SLC35D2: variants seen among roughly 807,000 people sequenced by gnomAD.
SLC35D2 encodes solute carrier family 35 member D2.
Under a neutral mutation model 41.8 loss-of-function variants are expected in SLC35D2, and 43 were observed. The observed-to-expected ratio is 1.03, with a 90% CI of 0.81 to 1.33. The LOEUF is 1.33. SLC35D2 is among the 40% of genes most tolerant of loss of function. SLC35D2 has a pLI of 0.00. For missense variants in SLC35D2, 380 were observed against 408.4 expected (o/e 0.93, Z 0.60); for synonymous variants, 150 against 163.9 (o/e 0.92, Z 0.65).
At chr9:96,348,575 T>C (rs1050453429) in intron 6 of SLC35D2, among the ~76,000 whole-genome samples, 1 of 152,196 alleles carries the variant, frequency 6.6e-6, no homozygotes, top group African/African-American at 2.4e-5. Context: ...GATGTGCTAA[T>C]GTAAGAGGAG....
rs1000910158 is a variant in SLC35D2 at position 96,334,130 on chromosome 9, G to A, written c.752+2587C>T. 5.3e-5 allele frequency among the ~76,000 whole-genome samples: 8 copies of A among 152,100 alleles called. No homozygotes were observed. In the South Asian group the frequency reaches 1.0e-3, roughly 20 times the overall value. ...CCCAACCTTTTTGGCACCAGGGACC[G>A]GTTTTGTGGAAGACAATTTTTCCAT... On this transcript the variant is annotated intron_variant, in intron 9 of 11. Transcript: ENST00000253270.
intron 8 of SLC35D2, among the ~76,000 whole-genome samples, chr9:96,342,265 C>G (rs1829363136): frequency 6.6e-6 from 1 of 152,060 alleles, no homozygotes; most frequent in South Asian, 2.1e-4. Context: ...CACCCGCCAC[C>G]ATGCCTGGCT....
At chr9:96,315,171 G>A (rs1828020259) in intron 11 of SLC35D2, among the ~76,000 whole-genome samples, 1 of 152,092 alleles carries the variant, frequency 6.6e-6, no homozygotes, top group African/African-American at 2.4e-5. Flanking sequence ...CCAGGCTGAA[G>A]TGCAGTGGTG....
chr9:96,373,358 AC>A (rs1279303846), intron 1 of SLC35D2, among the ~76,000 whole-genome samples: 1 of 151,616 alleles, frequency 6.6e-6, no homozygotes, highest in Non-Finnish European at 1.5e-5. Flanking sequence ...TTTTGTAATC[AC>A]CCCCTCCCCT....
At chr9:96,361,935 C>A (rs1170576785) in intron 3 of SLC35D2, among the ~76,000 whole-genome samples, 1 of 152,170 alleles carries the variant, frequency 6.6e-6, no homozygotes, top group Non-Finnish European at 1.5e-5. Flanking sequence ...TTTGTTACGG[C>A]AGCCTCAGCT....
intron 9 of SLC35D2, among the ~76,000 whole-genome samples, chr9:96,324,766 G>A (rs183049963): frequency 2.1e-4 from 32 of 152,024 alleles, no homozygotes; most frequent in African/African-American, 6.7e-4. Flanking sequence ...TGTTGCCCAG[G>A]CTGGTCTTGA....
chr9:96,315,587 C>T (rs1828033388), intron 11 of SLC35D2, among the ~76,000 whole-genome samples: 2 of 152,116 alleles, frequency 1.3e-5, no homozygotes, highest in African/African-American at 4.8e-5. Flanking sequence ...GTGCCTGCCA[C>T]CACGCCCAGC....
chr9:96,325,386 C>T (rs1391820483), intron 9 of SLC35D2, among the ~76,000 whole-genome samples: 3 of 152,050 alleles, frequency 2.0e-5, no homozygotes, highest in Non-Finnish European at 4.4e-5. Context: ...ATTTGAAAAG[C>T]TAAATCCCAG....
At chr9:96,362,694 T>A (rs1222892608) in intron 3 of SLC35D2, among the ~76,000 whole-genome samples, 2 of 152,112 alleles carry the variant, frequency 1.3e-5, no homozygotes, top group African/African-American at 2.4e-5. Flanking sequence ...ATAGGATGCC[T>A]TTTTCACTAT....
At chr9:96,357,147 C>T (rs1830061118) in intron 4 of SLC35D2, among the ~76,000 whole-genome samples, 1 of 152,074 alleles carries the variant, frequency 6.6e-6, no homozygotes, top group African/African-American at 2.4e-5. Context: ...CATTGCACTC[C>T]AGCCTGGGCA....
In SLC35D2 at chr9:96,376,523, TG is replaced by T. The variant is rs1830969149; in HGVS notation, c.158+6953del. 2.0e-5 allele frequency among the ~76,000 whole-genome samples: 3 copies of T among 152,096 alleles called. No individual in the cohort carries two copies. In the South Asian group the frequency reaches 6.2e-4, roughly 32 times the overall value. The stretch of plus-strand genomic sequence containing the variant: ...ACTTGGGAGGCTGAGGCAGAAGAAC[TG>T]CTTAAACACGGGAGGTGGAGATTGC... On this transcript the variant is annotated intron_variant, in intron 1 of 11. Coordinates refer to ENST00000253270, the MANE Select transcript of SLC35D2 (RefSeq NM_007001.3).
chr9:96,375,288 G>A (rs977629365), intron 1 of SLC35D2, among the ~76,000 whole-genome samples: 1 of 151,810 alleles, frequency 6.6e-6, no homozygotes, highest in East Asian at 1.9e-4. Context: ...CTTAAAAAAC[G>A]TACTGACAGC....
At chr9:96,337,713 G>A (rs1263845626) in intron 8 of SLC35D2, among the ~76,000 whole-genome samples, 1 of 151,984 alleles carries the variant, frequency 6.6e-6, no homozygotes, top group Non-Finnish European at 1.5e-5. Context: ...CGGGCGCAGT[G>A]GCTCACGCTT....
chr9:96,315,415 T>G (rs1293532775), intron 11 of SLC35D2, among the ~76,000 whole-genome samples: 1 of 130,684 alleles, frequency 7.7e-6, no homozygotes, highest in Non-Finnish European at 1.7e-5. Flanking sequence ...TATGAGCTAC[T>G]GTGCCCGGCC....
chr9:96,350,248 G>C (rs1829754494), intron 6 of SLC35D2, among the ~76,000 whole-genome samples: 1 of 151,086 alleles, frequency 6.6e-6, no homozygotes, highest in Non-Finnish European at 1.5e-5. Context: ...ATTGCTCACT[G>C]CAACCTCAAA....
Position 96,383,521 on chromosome 9 carries a change from G to A in SLC35D2, c.114C>T (p.Ser38=), listed in dbSNP as rs1241245933. The A allele has an allele frequency of 6.5e-7, 1 of 1,533,656 alleles. No individual in the cohort carries two copies. Among genetic ancestry groups the A allele is most frequent in the Non-Finnish European group, 8.8e-7 (1 of 1,139,886 alleles). ...LLSALFYGTC[S]FLIVLVNKAL... ...CCTTGTTGACAAGCACGATGAGGAA[G>A]GAGCAGGTCCCGTAGAAGAGCGCCG... The change falls in exon 1 of 12, where the codon TCC becomes TCT. Residue 38 remains serine (S), a synonymous_variant. Transcript: ENST00000253270.
chr9:96,365,190 C>CA (rs1423420656), intron 2 of SLC35D2, among the ~76,000 whole-genome samples: 3 of 151,594 alleles, frequency 2.0e-5, no homozygotes, highest in African/African-American at 7.3e-5. Flanking sequence ...CCCATCTCTA[C>CA]AAAAAAATAC....
At position 96,336,755 on chromosome 9, in the gene SLC35D2, A is replaced by G. The variant is rs1001628907; in HGVS notation, c.714T>C (p.Val238=). Residue 238 remains valine (V), a synonymous_variant, in exon 9 of 12, where the codon GTT becomes GTC. Transcript: ENST00000253270. ...QATEFNQWKN[V]VFILQFLLSC... is the part of the protein sequence containing the mutation. ...AAAGAAGAAACTGTAGGATAAACAC[A>G]ACATTCTTCCATTGGTTGAATTCAG... is the stretch of plus-strand genomic sequence containing the variant. 4 of 1,586,492 alleles carry G rather than the reference A, an allele frequency of 2.5e-6. No homozygotes were observed. The African/African-American group carries it at 4.0e-5, about 16-fold the overall frequency.
At chr9:96,314,628 T>G (rs577593144) in exon 12 of SLC35D2, 2 of 152,274 alleles carry the variant, frequency 1.3e-5, no homozygotes, top group East Asian at 1.9e-4. Context: ...AAATAGCTAA[T>G]GCATGTGGGG....
Sources: gnomAD v4.1 joint callset for allele counts (sites outside exome capture counted in the v4.1 genomes callset) on GRCh38, gnomAD v4.1.1 for gene constraint, MANE v1.5 for transcripts, NCBI Gene and HGNC (gene_info 2026-07-23, HGNC 2026-07-21) for gene names.